Variants in EPB41L5 observed in about 807,000 individuals in gnomAD.
The protein encoded by EPB41L5 is band 4.1-like protein 5.
In EPB41L5, 55 loss-of-function variants were observed where a neutral mutation model predicts 106.6. The ratio of observed to expected loss-of-function variants is 0.52; its 90% CI spans 0.42 to 0.65. The LOEUF (loss-of-function observed/expected upper bound fraction) is 0.65. EPB41L5 is among the 30% of genes least tolerant of loss of function. The probability of loss-of-function intolerance (pLI) is 0.00; values close to 1 mark genes in which losing one functional copy is unlikely to be tolerated. For synonymous variants in EPB41L5, 297 were observed against 306.7 expected, an observed-to-expected ratio of 0.97 and a Z score of 0.33; for missense variants, 871 against 882.1, an observed-to-expected ratio of 0.99 and a Z score of 0.16.
chr2:120,016,739 G>A (rs1279602973), intron 1 of EPB41L5, among the ~76,000 whole-genome samples: 3 of 151,972 alleles, frequency 2.0e-5, no homozygotes, highest in Admixed American at 2.0e-4. Flanking sequence ...TGTTTCTTGG[G>A]AGATATTGGT....
At chr2:120,074,898 G>GTT (rs1682122159) in intron 5 of EPB41L5, among the ~76,000 whole-genome samples, 1 of 152,148 alleles carries the variant, frequency 6.6e-6, no homozygotes, top group Admixed American at 6.5e-5. Context: ...CATGTTCTCA[G>GTT]TTCACCGCAA....
chr2:120,143,160 T>C (rs75582263), intron 19 of EPB41L5, 29 bp downstream of exon 19: 345,463 of 1,534,118 alleles, frequency 0.23, 40,693 homozygotes, highest in South Asian at 0.35. Context: ...ATAGCCCTGG[T>C]GAAGTGAAAT....
intron 2 of EPB41L5, among the ~76,000 whole-genome samples, chr2:120,040,772 G>T (rs546141395): frequency 6.6e-6 from 1 of 152,186 alleles, no homozygotes; most frequent in African/African-American, 2.4e-5. Flanking sequence ...TGAAGGCATG[G>T]TCAAGTTCTT....
chr2:120,119,047 A>C (rs1685086623), intron 16 of EPB41L5, among the ~76,000 whole-genome samples: 1 of 152,154 alleles, frequency 6.6e-6, no homozygotes, highest in Non-Finnish European at 1.5e-5. Context: ...GTGAGATGGT[A>C]TCTCATTGTG....
At chr2:120,061,031 GT>G (rs375754153) in intron 3 of EPB41L5, among the ~76,000 whole-genome samples, 63 of 69,126 alleles carry the variant, frequency 9.1e-4, no homozygotes, top group African/African-American at 3.1e-3. Context: ...GTTCAGGGAA[GT>G]TTTTTTTTTT....
intron 14 of EPB41L5, among the ~76,000 whole-genome samples, chr2:120,099,307 T>TA (rs1357771453): frequency 6.6e-6 from 1 of 151,732 alleles, no homozygotes; most frequent in African/African-American, 2.4e-5. Context: ...GTTTTTATTT[T>TA]ACTGAATTTT....
chr2:120,073,053 T>C (rs1681985379), intron 3 of EPB41L5, 125 bp from the exon 4 acceptor site: 1 of 785,396 alleles, frequency 1.3e-6, no homozygotes, highest in African/African-American at 1.8e-5. Flanking sequence ...CACTTGGGTT[T>C]TTCTCTTGTG....
rs1439990511 is a variant in EPB41L5, at chr2:120,074,192, C to G, written c.407+14C>G. The G allele has an allele frequency of 3.8e-6, 6 of 1,588,300 alleles. No individual in the cohort carries two copies. Among genetic ancestry groups the G allele is most frequent in the East Asian group, 2.2e-5 (1 of 44,680 alleles). On this transcript the variant is annotated intron_variant, in intron 5 of 24. Transcript: ENST00000263713. Reference sequence around the variant, plus strand: ...GGAGCTAACCCGGTAAGAACACCATCTAGAATTGTGCCAGGGTTATTTTGA... The same window carrying G: ...GGAGCTAACCCGGTAAGAACACCATGTAGAATTGTGCCAGGGTTATTTTGA...
intron 2 of EPB41L5, among the ~76,000 whole-genome samples, chr2:120,038,963 T>C (rs539973882): frequency 6.6e-6 from 1 of 152,324 alleles, no homozygotes; most frequent in East Asian, 1.9e-4. Context: ...GAATGGTATT[T>C]ATATGCAATG....
chr2:120,134,881 A>G (rs1010745291), intron 18 of EPB41L5, among the ~76,000 whole-genome samples: 2 of 151,990 alleles, frequency 1.3e-5, no homozygotes, highest in Admixed American at 6.6e-5. Context: ...TAAATACCCA[A>G]CTCTTTAATG....
chr2:120,104,889 T>C (rs1684360531), intron 16 of EPB41L5: 31 of 975,918 alleles, frequency 3.2e-5, no homozygotes, highest in Non-Finnish European at 3.8e-5. Context: ...TAGTTTTGAA[T>C]GGTTAACTGA....
chr2:120,071,559 T>C (rs1381716787), intron 3 of EPB41L5, among the ~76,000 whole-genome samples: 1 of 152,122 alleles, frequency 6.6e-6, no homozygotes, highest in Non-Finnish European at 1.5e-5. Context: ...CAAAACAACA[T>C]GGTGCTGCTA....
intron 2 of EPB41L5, among the ~76,000 whole-genome samples, chr2:120,039,630 A>G (rs1679264048): frequency 6.6e-6 from 1 of 152,098 alleles, no homozygotes; most frequent in South Asian, 2.1e-4. Flanking sequence ...GTTCGAGACC[A>G]GCCTGACCAA....
intron 10 of EPB41L5, among the ~76,000 whole-genome samples, chr2:120,083,686 A>T (rs1229357961): frequency 2.6e-5 from 4 of 152,156 alleles, no homozygotes; most frequent in Admixed American, 2.6e-4. Flanking sequence ...GATCTGTCTA[A>T]TGTTGACAGT....
chr2:120,060,739 A>C (rs1462904660), intron 3 of EPB41L5, among the ~76,000 whole-genome samples: 1 of 152,192 alleles, frequency 6.6e-6, no homozygotes, highest in Non-Finnish European at 1.5e-5. Flanking sequence ...ACACAGAACT[A>C]TACATGCACA....
chr2:120,161,314 A>G (rs1687132138), intron 21 of EPB41L5, among the ~76,000 whole-genome samples: 1 of 151,092 alleles, frequency 6.6e-6, no homozygotes, highest in African/African-American at 2.4e-5. Context: ...GGAGGTGGAG[A>G]TTGCAGTGAA....
chr2:120,157,472 A>C (rs1354523120), intron 20 of EPB41L5, among the ~76,000 whole-genome samples: 1 of 152,106 alleles, frequency 6.6e-6, no homozygotes, highest in African/African-American at 2.4e-5. Context: ...ACACAAAAAA[A>C]CACTCAAAAA....
At chr2:120,037,108 A>T (rs1387332699) in intron 2 of EPB41L5, among the ~76,000 whole-genome samples, 2 of 152,134 alleles carry the variant, frequency 1.3e-5, no homozygotes, top group East Asian at 3.8e-4. Flanking sequence ...AAAAAACCTT[A>T]TGGTGCTAAT....
intron 16 of EPB41L5, among the ~76,000 whole-genome samples, chr2:120,126,168 C>G (rs1685454537): frequency 6.6e-6 from 1 of 152,000 alleles, no homozygotes; most frequent in African/African-American, 2.4e-5. Context: ...TTAACTTATA[C>G]TAATATATAT....
Sources: gnomAD v4.1 joint callset for allele counts (sites outside exome capture counted in the v4.1 genomes callset) on GRCh38, gnomAD v4.1.1 for gene constraint, MANE v1.5 for transcripts, NCBI Gene and HGNC (gene_info 2026-07-23, HGNC 2026-07-21) for gene names.